The following CDC42BPA variants were observed in gnomAD, a reference collection of about 807,000 sequenced individuals.
CDC42BPA encodes the protein serine/threonine-protein kinase MRCK alpha.
CDC42BPA carries 80 observed loss-of-function variants against 223.5 expected under a neutral mutation model. That is an observed-to-expected ratio of 0.36 (90% confidence interval 0.30 to 0.43). The LOEUF (loss-of-function observed/expected upper bound fraction) is 0.43. Among genes scored for constraint, CDC42BPA ranks in the 20% least tolerant of loss-of-function variants. CDC42BPA has a pLI of 1.00. For missense variants in CDC42BPA, 1,743 were observed against 2,099.9 expected, an observed-to-expected ratio of 0.83 and a Z score of 3.32; for synonymous variants, 694 against 718.6, an observed-to-expected ratio of 0.97 and a Z score of 0.55.
At chr1:227,196,531 G>A (rs944000979) in intron 4 of CDC42BPA, among the ~76,000 whole-genome samples, 5 of 151,842 alleles carry the variant, frequency 3.3e-5, no homozygotes, top group East Asian at 1.9e-4. Flanking sequence ...AGTAGAGACC[G>A]GGTTTCACCG....
chr1:227,281,191 G>A (rs1348143909), intron 1 of CDC42BPA, among the ~76,000 whole-genome samples: 1 of 152,182 alleles, frequency 6.6e-6, no homozygotes, highest in Non-Finnish European at 1.5e-5. Context: ...TATTGCTGTG[G>A]TTTAAAGAAA....
At chr1:227,245,852 G>A (rs747848980) in intron 2 of CDC42BPA, among the ~76,000 whole-genome samples, 4 of 152,234 alleles carry the variant, frequency 2.6e-5, no homozygotes, top group Non-Finnish European at 4.4e-5. Context: ...CTTGAGGTCT[G>A]AGACTACTTG....
rs1553440423 is a variant in CDC42BPA at position 227,297,967 on chromosome 1, T to TACACACACAC, written c.178+19028_178+19037dup. On this transcript the variant is annotated intron_variant, in intron 1 of 36. Coordinates refer to ENST00000366766, the MANE Select transcript of CDC42BPA (RefSeq NM_001394014.1). ...GTGTGTGTGTGTGTATATATACATA[T>TACACACACAC]ACACACACACACACATATATACATA... is the stretch of plus-strand genomic sequence containing the variant. 1.6e-3 allele frequency among the ~76,000 whole-genome samples: 205 copies of TACACACACAC among 132,076 alleles called. 3 individuals carry two copies. In the East Asian group the frequency reaches 0.025, roughly 16 times the overall value. 86.6% of individuals were successfully genotyped at this position (132,076 alleles called of 152,430 possible).
At chr1:227,253,240 A>AAGAGAGCGAGAAAGAGAGCGAGAG (rs1682361632) in intron 2 of CDC42BPA, among the ~76,000 whole-genome samples, 2 of 143,080 alleles carry the variant, frequency 1.4e-5, no homozygotes, top group Admixed American at 1.4e-4. Flanking sequence ...GAGAGAGAGA[A>AAGAGAGCGAGAAAGAGAGCGAGAG]AGAGAGCGAG....
chr1:227,124,167 C>T (rs1689136416), intron 11 of CDC42BPA, among the ~76,000 whole-genome samples: 1 of 152,112 alleles, frequency 6.6e-6, no homozygotes, highest in Non-Finnish European at 1.5e-5. Context: ...TAACCTACCC[C>T]TAACCTTTAG....
rs191046282 is a variant in CDC42BPA, at chr1:227,096,375, A to T, written c.2250-4384T>A. 2.6e-5 allele frequency among the ~76,000 whole-genome samples: 4 copies of T among 152,316 alleles called. No individual in the cohort carries two copies. In the East Asian group the frequency reaches 5.8e-4, roughly 22 times the overall value. On this transcript the variant is annotated intron_variant, in intron 15 of 36. Transcript: ENST00000366766. ...TAAGTCTCTTCCATATTAAAAATAA[A>T]GAAACTCTCCCCATACCCTGTGTCA...
intron 10 of CDC42BPA, 113 bp from the exon 11 acceptor site, chr1:227,129,344 T>C (rs1267414536): frequency 2.6e-6 from 2 of 780,558 alleles, no homozygotes; most frequent in South Asian, 1.8e-5. Context: ...GAACAAAACA[T>C]CTACTCACTG....
At chr1:227,251,734 C>T (rs73096357) in intron 2 of CDC42BPA, among the ~76,000 whole-genome samples, 31,864 of 151,894 alleles carry the variant, frequency 0.21, 3,719 homozygotes, top group African/African-American at 0.29. Context: ...AGAAATCCTC[C>T]CTCAGGAAAT....
intron 5 of CDC42BPA, among the ~76,000 whole-genome samples, chr1:227,173,768 C>G (rs1048330566): frequency 6.6e-6 from 1 of 151,948 alleles, no homozygotes; most frequent in East Asian, 1.9e-4. Context: ...TGATTTAAAT[C>G]GGTATCCATG....
chr1:227,111,227 T>C (rs368255416), intron 14 of CDC42BPA, among the ~76,000 whole-genome samples: 1 of 152,148 alleles, frequency 6.6e-6, no homozygotes, highest in Non-Finnish European at 1.5e-5. Context: ...AAATGGGGGC[T>C]GACAGATATA....
rs956915560 is a variant in CDC42BPA, at chr1:227,010,800, G to A, written c.4857+5280C>T. On this transcript the variant is annotated intron_variant, in intron 34 of 36. Coordinates refer to ENST00000366766, the MANE Select transcript of CDC42BPA (RefSeq NM_001394014.1). ...GTTCACAAGATGGCACCATTTCAGCGGTGTTACTTATTAAGCCAGGCAAAA... is the reference window on the plus strand; with the variant it reads ...GTTCACAAGATGGCACCATTTCAGCAGTGTTACTTATTAAGCCAGGCAAAA... 19 of 798,380 alleles carry A rather than the reference G, an allele frequency of 2.4e-5. No homozygotes were observed. The Admixed American group carries it at 5.1e-4, about 21-fold the overall frequency. The allele number at this position is 798,380 out of a possible 1,614,324, so 49.5% of individuals were successfully genotyped here. A position where few individuals can be genotyped will look rare whatever the true frequency, so the allele number is the denominator to read the frequency against.
At chr1:227,063,226 T>C (rs1432779798) in intron 21 of CDC42BPA, among the ~76,000 whole-genome samples, 4 of 152,138 alleles carry the variant, frequency 2.6e-5, no homozygotes, top group Non-Finnish European at 4.4e-5. Context: ...AACACTGAAA[T>C]TGAATTCATG....
rs756328956 is a variant in CDC42BPA, at chr1:227,005,098, T to G, written c.4871A>C (p.Gln1624Pro). The G allele has an allele frequency of 5.0e-6, 8 of 1,613,226 alleles. No homozygotes were observed. Among genetic ancestry groups the G allele is most frequent in the Non-Finnish European group, 6.8e-6 (8 of 1,179,262 alleles). The part of the protein sequence containing the change: ...LKDLPMNPRP[Q>P]ESRTVFSGSV... ...GCCACTGAATACTGTCCGACTTTCC[T>G]GAGGCCGAGGGTTCTATAAACAAAA... Residue 1624 changes from glutamine to proline, a missense_variant, in exon 35 of 37, where the codon CAG (glutamine) becomes CCG (proline). Physicochemically the swap from Gln to Pro is moderately conservative, Grantham distance 76. Transcript: ENST00000366766.
chr1:227,029,171 T>TGA lies in CDC42BPA; in HGVS notation c.3916_3917dup (p.Gly1307GlnfsTer34). Reference sequence around the variant, plus strand: ...AAAGTCGTACATGACGATTTCGTCCTGAGATCACAGCAACAAGCTGATCAT... The same window carrying TGA: ...AAAGTCGTACATGACGATTTCGTCCTGAGAGATCACAGCAACAAGCTGATCAT... On this transcript the variant is annotated frameshift_variant, in exon 30 of 37. Coordinates refer to ENST00000366766, the MANE Select transcript of CDC42BPA (RefSeq NM_001394014.1). LOFTEE classifies it high-confidence loss of function. The TGA allele has an allele frequency of 1.2e-6, 2 of 1,603,082 alleles. No individual in the cohort carries two copies. Among genetic ancestry groups the TGA allele is most frequent in the Non-Finnish European group, 1.7e-6 (2 of 1,179,844 alleles).
chr1:227,198,237 A>G (rs1398333786), intron 4 of CDC42BPA, among the ~76,000 whole-genome samples: 4 of 151,856 alleles, frequency 2.6e-5, no homozygotes, highest in Non-Finnish European at 2.9e-5. Flanking sequence ...GATCACTTGA[A>G]GCCAAGAGTT....
chr1:227,177,279 G>A (rs778772095), intron 5 of CDC42BPA, among the ~76,000 whole-genome samples: 2 of 152,020 alleles, frequency 1.3e-5, no homozygotes, highest in African/African-American at 2.4e-5. Flanking sequence ...TTGTAAGGAA[G>A]GCCTGAAGCA....
intron 1 of CDC42BPA, among the ~76,000 whole-genome samples, chr1:227,306,895 T>C (rs1175059489): frequency 6.6e-6 from 1 of 152,218 alleles, no homozygotes; most frequent in African/African-American, 2.4e-5. Context: ...CTGAGTCAAC[T>C]TGGGGCATTG....
chr1:227,095,479 T>C (rs1297410248), intron 15 of CDC42BPA, among the ~76,000 whole-genome samples: 1 of 152,186 alleles, frequency 6.6e-6, no homozygotes, highest in East Asian at 1.9e-4. Context: ...CAAAGCTTAT[T>C]TAAAATGATA....
intron 30 of CDC42BPA, 117 bp from the exon 31 acceptor site, chr1:227,026,269 G>A (rs927836744): frequency 1.7e-6 from 1 of 584,196 alleles, no homozygotes. Flanking sequence ...ATCCTATGGG[G>A]CTATCATATA....
Sources: gnomAD v4.1 joint callset for allele counts (sites outside exome capture counted in the v4.1 genomes callset) on GRCh38, gnomAD v4.1.1 for gene constraint, MANE v1.5 for transcripts, NCBI Gene and HGNC (gene_info 2026-07-23, HGNC 2026-07-21) for gene names.